Variants in SFXN5 observed in about 807,000 individuals in gnomAD.
SFXN5 encodes sideroflexin-5.
SFXN5 carries 43 observed loss-of-function variants against 50.2 expected under a neutral mutation model. The observed-to-expected ratio is 0.86, with a 90% CI of 0.67 to 1.11. The LOEUF (loss-of-function observed/expected upper bound fraction) is 1.11, where lower values mean the gene tolerates loss of function less well. SFXN5 is among the 50% of genes least tolerant of loss of function. SFXN5 has a pLI of 0.00. For synonymous variants in SFXN5, 203 were observed against 185.8 expected (o/e 1.09, Z -0.75); for missense variants, 463 against 454.1 (o/e 1.02, Z -0.18).
At chr2:73,064,446 C>T (rs998023040) in intron 1 of SFXN5, among the ~76,000 whole-genome samples, 1 of 152,236 alleles carries the variant, frequency 6.6e-6, no homozygotes, top group Non-Finnish European at 1.5e-5. Context: ...TATGACCCCT[C>T]TCCACTGCAC....
Position 72,945,198 on chromosome 2 carries a change from G to T in SFXN5, c.946-99C>A. 1.7e-6 allele frequency: 2 copies of T among 1,164,370 alleles called. No individual in the cohort carries two copies. The highest frequency in any genetic ancestry group is 2.5e-6 in the Non-Finnish European group (2 of 798,252). 72.1% of individuals were successfully genotyped at this position (1,164,370 alleles called of 1,614,324 possible). A position where few individuals can be genotyped will look rare whatever the true frequency, so the allele number is the denominator to read the frequency against. On this transcript the variant is annotated intron_variant, in intron 13 of 13. Transcript: ENST00000272433. This position sits in a 1 kb window ranked among gnomAD's most constrained non-coding sequence, Gnocchi z 5.8. ...GGACCACCCTGGGCCCCAGAGCTCT[G>T]CCCCCTGCACCCCCGTGTCCACCCC...
chr2:73,055,000 G>A (rs1681899789), intron 2 of SFXN5, among the ~76,000 whole-genome samples: 1 of 151,852 alleles, frequency 6.6e-6, no homozygotes, highest in Non-Finnish European at 1.5e-5. Flanking sequence ...CCACCTGTCA[G>A]GGTAATTCCC....
At chr2:73,042,660 C>A (rs771869708) in intron 2 of SFXN5, 1 of 151,932 alleles carries the variant, frequency 6.6e-6, no homozygotes, top group Non-Finnish European at 1.5e-5. Flanking sequence ...GGCATGGTGC[C>A]GAGTGCCTGT....
intron 2 of SFXN5, among the ~76,000 whole-genome samples, chr2:73,047,961 AT>A (rs1680729855): frequency 6.6e-6 from 1 of 152,218 alleles, no homozygotes. Context: ...TCAAGAGTAA[AT>A]AATTAATAGA....
At chr2:73,062,640 C>A (rs1682895891) in intron 1 of SFXN5, among the ~76,000 whole-genome samples, 1 of 152,188 alleles carries the variant, frequency 6.6e-6, no homozygotes, top group African/African-American at 2.4e-5. Flanking sequence ...ATGAGCTAGG[C>A]TCAGGGGACA....
rs1443525630 is a variant in SFXN5, at chr2:73,027,914, C to T, written c.250-4700G>A. ...TGGGCTCAAGCAATCCTCCCACTTC[C>T]ACCTCCCAAAGTGTCAGGGTTACAA... is the stretch of plus-strand genomic sequence containing the variant. On this transcript the variant is annotated intron_variant, in intron 3 of 13. Transcript: ENST00000272433. Among the ~76,000 whole-genome samples, 4 of 152,246 alleles carry T rather than the reference C, an allele frequency of 2.6e-5. No homozygotes were observed. The East Asian group carries it at 5.8e-4, about 22-fold the overall frequency.
At chr2:72,959,072 C>T (rs1426963066) in intron 13 of SFXN5, among the ~76,000 whole-genome samples, 1 of 152,170 alleles carries the variant, frequency 6.6e-6, no homozygotes, top group Non-Finnish European at 1.5e-5. Context: ...ACTTCCCCGA[C>T]TTGTCTCCAG....
chr2:73,047,794 G>A (rs1354145868), intron 2 of SFXN5, among the ~76,000 whole-genome samples: 1 of 152,086 alleles, frequency 6.6e-6, no homozygotes, highest in Non-Finnish European at 1.5e-5. Flanking sequence ...CATGAGAACA[G>A]ACTAATACAG....
intron 13 of SFXN5, among the ~76,000 whole-genome samples, chr2:72,956,203 C>T (rs1673069880): frequency 6.6e-6 from 1 of 152,232 alleles, no homozygotes; most frequent in African/African-American, 2.4e-5. Context: ...CCAGGGCAGA[C>T]CCTGTACTCC....
intron 6 of SFXN5, among the ~76,000 whole-genome samples, chr2:73,006,675 T>C (rs748738898): frequency 4.6e-5 from 7 of 151,974 alleles, no homozygotes; most frequent in Admixed American, 2.6e-4. Context: ...GTTGTGGATG[T>C]TTTCTACACA....
Position 72,961,309 on chromosome 2 carries a change from CCA to C in SFXN5, c.828-63_828-62del. ...GAAGGTGGGGTGGGCTGGCTGCCAG[CCA>C]CCATGCTGGGTCCCACTCTGTCTCT... On this transcript the variant is annotated intron_variant, in intron 12 of 13. Coordinates refer to ENST00000272433, the MANE Select transcript of SFXN5 (RefSeq NM_144579.3). This position sits in a 1 kb window ranked among gnomAD's most constrained non-coding sequence, Gnocchi z 4.4. The C allele has an allele frequency of 1.6e-6, 2 of 1,217,020 alleles. No homozygotes were observed. Among genetic ancestry groups the C allele is most frequent in the Non-Finnish European group, 2.2e-6 (2 of 893,858 alleles). The allele number at this position is 1,217,020 out of a possible 1,614,324, so 75.4% of individuals were successfully genotyped here.
intron 11 of SFXN5, among the ~76,000 whole-genome samples, chr2:72,971,136 A>G (rs929340348): frequency 1.3e-5 from 2 of 152,122 alleles, no homozygotes; most frequent in African/African-American, 4.8e-5. Context: ...GTGAGCTCTC[A>G]CCTGCAGAAG....
intron 3 of SFXN5, among the ~76,000 whole-genome samples, chr2:73,026,920 A>T (rs1677632971): frequency 6.6e-6 from 1 of 151,862 alleles, no homozygotes; most frequent in Admixed American, 6.6e-5. Flanking sequence ...GTAGAGATGG[A>T]GTTCACCATG....
rs987738551 is a variant in SFXN5, at chr2:73,071,691, C to T, written c.15G>A (p.Ala5=). 2 of 1,612,960 alleles carry T rather than the reference C, an allele frequency of 1.2e-6. No homozygotes were observed. Among genetic ancestry groups the T allele is most frequent in the Non-Finnish European group, 8.5e-7 (1 of 1,179,852 alleles). The change falls in exon 1 of 14, where the codon GCG becomes GCA. Residue 5 remains alanine, a synonymous_variant. Coordinates refer to ENST00000272433, the MANE Select transcript of SFXN5 (RefSeq NM_144579.3). ...TAGCCGCCGCCGCCGATGCTGTAGTCGCTGTATCCGCCATGGCCACTGACG... is the reference window on the plus strand; with the variant it reads ...TAGCCGCCGCCGCCGATGCTGTAGTTGCTGTATCCGCCATGGCCACTGACG... MADT[A]TTASAAAASA... is the part of the protein sequence containing the mutation.
rs1296164989 is a variant in SFXN5, at chr2:72,945,429, C to T, written c.946-330G>A. ...CATGTCCACTGCACTGCAGACCTAC[C>T]ACAGCCCTGCCCAGGGCCATTCCCT... On this transcript the variant is annotated intron_variant, in intron 13 of 13. Transcript: ENST00000272433. This position sits in a 1 kb window ranked among gnomAD's most constrained non-coding sequence, Gnocchi z 5.8. 2.0e-5 allele frequency among the ~76,000 whole-genome samples: 3 copies of T among 152,008 alleles called. No homozygotes were observed. In the East Asian group the frequency reaches 5.8e-4, roughly 29 times the overall value.
rs757166628 is a variant in SFXN5, at chr2:72,968,492, C to T, written c.783G>A (p.Met261Ile). The T allele has an allele frequency of 3.2e-5, 52 of 1,613,192 alleles. No individual in the cohort carries two copies. Among genetic ancestry groups the T allele is most frequent in the Non-Finnish European group, 4.3e-5 (51 of 1,180,022 alleles). Residue 261 changes from methionine to isoleucine, a missense_variant, in exon 12 of 14, where the codon ATG (methionine) becomes ATA (isoleucine). By Grantham distance (10) the Met-to-Ile change is conservative. Coordinates refer to ENST00000272433, the MANE Select transcript of SFXN5 (RefSeq NM_144579.3). The part of the protein sequence containing the change: ...ETALTRVVLP[M>I]PILVLPPIVM... ...CGATCGGGGGTAGCACCAGGATGGG[C>T]ATGGGCAGGACCACTCGCGTCAGCG...
At chr2:73,039,999 C>T (rs1157791130) in intron 3 of SFXN5, among the ~76,000 whole-genome samples, 1 of 151,862 alleles carries the variant, frequency 6.6e-6, no homozygotes, top group Non-Finnish European at 1.5e-5. Context: ...TCAGTAAAGA[C>T]ACGGTTTCAC....
chr2:72,993,188 G>A (rs945967557), intron 9 of SFXN5, among the ~76,000 whole-genome samples: 21 of 152,340 alleles, frequency 1.4e-4, no homozygotes, highest in African/African-American at 4.6e-4. Context: ...ACCAAGGTTA[G>A]GGGTTTGTGA....
chr2:72,946,884 G>A (rs550154790), intron 13 of SFXN5, among the ~76,000 whole-genome samples: 33 of 152,202 alleles, frequency 2.2e-4, no homozygotes, highest in Non-Finnish European at 3.8e-4. Flanking sequence ...TCAGACTCCC[G>A]CGCCACCCTG....
Sources: allele counts gnomAD v4.1 joint callset (sites outside exome capture counted in the v4.1 genomes callset), GRCh38; gene constraint gnomAD v4.1.1; non-coding constraint Gnocchi (gnomAD v3.1); transcripts MANE v1.5; gene names NCBI Gene and HGNC (gene_info 2026-07-23, HGNC 2026-07-21).